Variants in CROCC2 observed in about 807,000 individuals in gnomAD.
CROCC2 encodes ciliary rootlet coiled-coil, rootletin family member 2, also known as ciliary rootlet coiled-coil protein 2.
In CROCC2, 163 loss-of-function variants were observed where a neutral mutation model predicts 177.6. The ratio of observed to expected loss-of-function variants is 0.92; its 90% CI spans 0.81 to 1.05. CROCC2 has a LOEUF of 1.05. Among genes scored for constraint, CROCC2 ranks in the 50% least tolerant of loss-of-function variants. CROCC2 has a pLI of 0.00. For missense variants in CROCC2, 1,929 were observed against 1,797.8 expected (o/e 1.07, Z -1.32); for synonymous variants, 904 against 787.3 (o/e 1.15, Z -2.48).
intron 5 of CROCC2, chr2:240,929,557 G>A: frequency 2.4e-6 from 1 of 418,558 alleles, no homozygotes. Context: ...CTAATCACTG[G>A]CCTTGTCTCG....
At chr2:240,964,693 C>A in intron 22 of CROCC2, 68 bp downstream of exon 22, 1 of 1,485,492 alleles carries the variant, frequency 6.7e-7, no homozygotes, top group Non-Finnish European at 9.0e-7. Flanking sequence ...CGGCTCCTCC[C>A]AGGGGAGCCC....
chr2:240,936,021 AAC>A (rs976688059), intron 14 of CROCC2, among the ~76,000 whole-genome samples: 28 of 151,934 alleles, frequency 1.8e-4, no homozygotes, highest in Admixed American at 6.5e-4. Flanking sequence ...TGGAGAAAAA[AAC>A]AGTCTTGGTT....
chr2:240,938,801 G>C (rs2059482720), intron 14 of CROCC2, among the ~76,000 whole-genome samples: 1 of 151,896 alleles, frequency 6.6e-6, no homozygotes, highest in African/African-American at 2.4e-5. Flanking sequence ...GTTAATTCTA[G>C]ATTTTTATAT....
intron 2 of CROCC2, among the ~76,000 whole-genome samples, chr2:240,919,390 A>G (rs2059343598): frequency 6.6e-6 from 1 of 151,802 alleles, no homozygotes; most frequent in Non-Finnish European, 1.5e-5. Flanking sequence ...ACAGACGCCC[A>G]CCCCCCTGGG....
At position 240,960,243 on chromosome 2, in the gene CROCC2, T is replaced by G. The variant is rs2059622585; in HGVS notation, c.3087+799T>G. 6.6e-6 allele frequency among the ~76,000 whole-genome samples: 1 copy of G among 152,182 alleles called. No homozygotes were observed. The highest frequency in any genetic ancestry group is 2.4e-5 in the African/African-American group (1 of 41,458). Reference sequence around the variant, plus strand: ...TGCCCACACAGCAGGAGGCGCGGACTTCACTGGGCTGGACACTAAGGTCGG... The same window carrying G: ...TGCCCACACAGCAGGAGGCGCGGACGTCACTGGGCTGGACACTAAGGTCGG... On this transcript the variant is annotated intron_variant, in intron 20 of 31. Transcript: ENST00000690015. The surrounding 1 kb of genome is among the most constrained non-coding windows in gnomAD (Gnocchi z 5.0).
Position 240,983,519 on chromosome 2 carries a change from C to A in CROCC2, c.4551+490C>A, listed in dbSNP as rs760702066. 1.2e-5 allele frequency: 15 copies of A among 1,250,296 alleles called. No homozygotes were observed. In the South Asian group the frequency reaches 1.7e-4, roughly 14 times the overall value. The allele number at this position is 1,250,296 out of a possible 1,614,324, so 77.5% of individuals were successfully genotyped here. A position where few individuals can be genotyped will look rare whatever the true frequency, so the allele number is the denominator to read the frequency against. Reference sequence around the variant, plus strand: ...CCTGCAGGAGCAGACGGCGGCGCTGCGCACCGAGCGGGCGCGTCTGCAGGG... The same window carrying A: ...CCTGCAGGAGCAGACGGCGGCGCTGAGCACCGAGCGGGCGCGTCTGCAGGG... On this transcript the variant is annotated intron_variant, in intron 28 of 31. Transcript: ENST00000690015.
chr2:240,963,489 G>C, intron 20 of CROCC2, 67 bp from the exon 21 acceptor site: 1 of 1,427,980 alleles, frequency 7.0e-7, no homozygotes, highest in Non-Finnish European at 9.3e-7. Flanking sequence ...AGAGGCCACA[G>C]GCCCCTGTGG....
At chr2:240,920,798 G>C (rs189519015) in intron 3 of CROCC2, among the ~76,000 whole-genome samples, 1 of 152,182 alleles carries the variant, frequency 6.6e-6, no homozygotes, top group Admixed American at 6.5e-5. Flanking sequence ...CAGGGAAACC[G>C]AGGCAGAAAG....
At position 240,934,584 on chromosome 2, in the gene CROCC2, G is replaced by A. The variant is rs553719481; in HGVS notation, c.1791+109G>A. The A allele has an allele frequency of 1.6e-4, 190 of 1,164,786 alleles. 2 individuals carry two copies. The highest frequency in any genetic ancestry group is 1.5e-3 in the Middle Eastern group (5 of 3,362). 72.2% of individuals were successfully genotyped at this position (1,164,786 alleles called of 1,614,324 possible). A position where few individuals can be genotyped will look rare whatever the true frequency, so the allele number is the denominator to read the frequency against. On this transcript the variant is annotated intron_variant, in intron 12 of 31. Coordinates refer to ENST00000690015, the MANE Select transcript of CROCC2 (RefSeq NM_001351305.2). ...TCTCTCCTGCCTGCCGGGCCCCTCAGCCCATCACCAGAGATCCCAAAGTCA... is the reference window on the plus strand; with the variant it reads ...TCTCTCCTGCCTGCCGGGCCCCTCAACCCATCACCAGAGATCCCAAAGTCA...
rs1460282988 is a variant in CROCC2, at chr2:240,993,074, G to A, written c.4955G>A (p.Arg1652Lys). 1 of 717,064 alleles carries A rather than the reference G, an allele frequency of 1.4e-6. No individual in the cohort carries two copies. The highest frequency in any genetic ancestry group is 2.6e-6 in the Non-Finnish European group (1 of 384,938). The allele number at this position is 717,064 out of a possible 1,614,324, so 44.4% of individuals were successfully genotyped here. A position where few individuals can be genotyped will look rare whatever the true frequency, so the allele number is the denominator to read the frequency against. ...TCTTTGCATCCCTGCAGCGCCCAAAGGGACTGAAGCTCCCAGCACAGGGGA... is the reference window on the plus strand; with the variant it reads ...TCTTTGCATCCCTGCAGCGCCCAAAAGGACTGAAGCTCCCAGCACAGGGGA... ...GQAFQTGHAQRD is the reference protein window; with the variant it reads ...GQAFQTGHAQKD Residue 1652 changes from arginine (R) to lysine (K), a missense_variant, in exon 32 of 32, where the codon AGG becomes AAG. Around this residue, in one of 3 missense-constraint regions of CROCC2, gnomAD observed 388 missense variants for 352.7 expected, o/e 1.10. Coordinates refer to ENST00000690015, the MANE Select transcript of CROCC2 (RefSeq NM_001351305.2).
At position 240,960,868 on chromosome 2, in the gene CROCC2, C is replaced by T. The variant is rs1490659517; in HGVS notation, c.3087+1424C>T. 2.1e-5 allele frequency among the ~76,000 whole-genome samples: 3 copies of T among 144,412 alleles called. No homozygotes were observed. Among genetic ancestry groups the T allele is most frequent in the Non-Finnish European group, 4.5e-5 (3 of 67,210 alleles). 94.7% of individuals were successfully genotyped at this position (144,412 alleles called of 152,430 possible). A position where few individuals can be genotyped will look rare whatever the true frequency, so the allele number is the denominator to read the frequency against. On this transcript the variant is annotated intron_variant, in intron 20 of 31. Transcript: ENST00000690015. The surrounding 1 kb of genome is among the most constrained non-coding windows in gnomAD (Gnocchi z 5.0). ...AACAGATTTCAAAGTCAGGCCCGGT[C>T]AGCGACCACACGGGGAAGCAAAACG...
At chr2:240,965,360 C>A (rs995452331) in intron 22 of CROCC2, 21 bp from the exon 23 acceptor site, 18 of 1,548,358 alleles carry the variant, frequency 1.2e-5, no homozygotes, top group Non-Finnish European at 1.4e-5. Flanking sequence ...TGACCCTGTC[C>A]GTGCGGCCCC....
intron 1 of CROCC2, among the ~76,000 whole-genome samples, chr2:240,913,501 C>T (rs749222784): frequency 1.1e-4 from 17 of 152,210 alleles, no homozygotes; most frequent in Non-Finnish European, 1.9e-4. Context: ...AGGAGCAGTG[C>T]GCTGTGTCCG....
At chr2:240,983,132 T>C in intron 28 of CROCC2, 103 bp downstream of exon 28, 1 of 1,206,026 alleles carries the variant, frequency 8.3e-7, no homozygotes, top group Non-Finnish European at 1.2e-6. Context: ...TCCCTCAACA[T>C]GAAGGGAGGC....
rs1283851707 is a variant in CROCC2, at chr2:240,932,480, T to C, written c.1044+66T>C. On this transcript the variant is annotated intron_variant, in intron 8 of 31. Transcript: ENST00000690015. ...GTCACCCTTGCTCAGGAGTCTCCCC[T>C]GCCACAGGAAGCCTGGTGCGGCAGT... is the stretch of plus-strand genomic sequence containing the variant. 7.0e-6 allele frequency: 5 copies of C among 714,058 alleles called. No homozygotes were observed. In the South Asian group the frequency reaches 7.4e-5, roughly 11 times the overall value. The allele number at this position is 714,058 out of a possible 1,614,324, so 44.2% of individuals were successfully genotyped here.
At chr2:240,916,451 C>CG (rs2059320903) in intron 1 of CROCC2, among the ~76,000 whole-genome samples, 1 of 79,120 alleles carries the variant, frequency 1.3e-5, no homozygotes, top group Admixed American at 1.1e-4. Context: ...CGTCCCCCGC[C>CG]CCCCCCATGC....
At chr2:240,962,619 C>G (rs1027025001) in intron 20 of CROCC2, among the ~76,000 whole-genome samples, 1 of 152,218 alleles carries the variant, frequency 6.6e-6, no homozygotes, top group Non-Finnish European at 1.5e-5. Flanking sequence ...GAGGGGTTTG[C>G]TTTTGTCAAG....
intron 27 of CROCC2, among the ~76,000 whole-genome samples, chr2:240,976,039 T>C (rs560728115): frequency 2.0e-5 from 3 of 152,360 alleles, no homozygotes; most frequent in South Asian, 2.1e-4. Flanking sequence ...CCCAGCCTTC[T>C]TTTGGTCTCA....
chr2:240,983,410 A>G, intron 28 of CROCC2: 2 of 1,285,400 alleles, frequency 1.6e-6, no homozygotes, highest in South Asian at 1.2e-5. Context: ...GCCCACGCCC[A>G]GCGTCTTCGG....
Sources: allele counts gnomAD v4.1 joint callset (sites outside exome capture counted in the v4.1 genomes callset), GRCh38; gene constraint gnomAD v4.1.1; regional missense constraint gnomAD v4.1.1; non-coding constraint Gnocchi (gnomAD v3.1); transcripts MANE v1.5; gene names NCBI Gene and HGNC (gene_info 2026-07-23, HGNC 2026-07-21).